The following PVT1 variants were observed in gnomAD, a reference collection of about 807,000 sequenced individuals.
The protein encoded by PVT1 is Pvt1 oncogene, also known as CXCR4/PVT1 fusion.
intron 3 of PVT1, among the ~76,000 whole-genome samples, chr8:127,953,821 T>C (rs1404538472): frequency 1.3e-5 from 2 of 152,164 alleles, no homozygotes; most frequent in African/African-American, 4.8e-5. Context: ...TTCCTCTTCT[T>C]TTCTTTTGTT....
chr8:127,960,377 A>G (rs1209455349), intron 3 of PVT1, among the ~76,000 whole-genome samples: 1 of 152,074 alleles, frequency 6.6e-6, no homozygotes, highest in Non-Finnish European at 1.5e-5. Flanking sequence ...AGGCCTGTAG[A>G]TAGGAGACAC....
At chr8:128,011,008 G>A (rs1249015405) in intron 4 of PVT1, among the ~76,000 whole-genome samples, 1 of 152,086 alleles carries the variant, frequency 6.6e-6, no homozygotes, top group Non-Finnish European at 1.5e-5. Flanking sequence ...GAAAGGGTGG[G>A]GCTATGTTTT....
intron 2 of PVT1, among the ~76,000 whole-genome samples, chr8:127,865,000 A>C (rs1815271714): frequency 6.6e-6 from 1 of 152,174 alleles, no homozygotes. Flanking sequence ...AACTAGTCTG[A>C]GTGCTTGGGA....
chr8:128,080,922 C>T (rs1385164961), intron 5 of PVT1, among the ~76,000 whole-genome samples: 1 of 151,996 alleles, frequency 6.6e-6, no homozygotes, highest in Non-Finnish European at 1.5e-5. Context: ...TCTTTTTTTG[C>T]AAATGAATGT....
At chr8:128,066,265 A>C (rs1445597188) in intron 4 of PVT1, among the ~76,000 whole-genome samples, 1 of 152,158 alleles carries the variant, frequency 6.6e-6, no homozygotes, top group South Asian at 2.1e-4. Flanking sequence ...AGCAGAATTG[A>C]CATGTCATTT....
At chr8:127,971,594 C>T (rs1483914948) in intron 3 of PVT1, among the ~76,000 whole-genome samples, 1 of 152,326 alleles carries the variant, frequency 6.6e-6, no homozygotes, top group African/African-American at 2.4e-5. Context: ...CAGGGCACTG[C>T]AGTGTAGCAT....
chr8:127,869,106 T>C (rs1162207939), intron 2 of PVT1, among the ~76,000 whole-genome samples: 2 of 151,878 alleles, frequency 1.3e-5, no homozygotes, highest in Non-Finnish European at 2.9e-5. Flanking sequence ...TGTTAGTAAA[T>C]CATGAAGTTG....
chr8:128,097,080 G>C (rs2542413), intron 6 of PVT1, among the ~76,000 whole-genome samples: 31,112 of 152,246 alleles, frequency 0.2, 3,544 homozygotes, highest in East Asian at 0.4. Flanking sequence ...TGTAGCCTTT[G>C]CTGGGTACAG....
chr8:127,862,645 C>G (rs1815240764), intron 2 of PVT1, among the ~76,000 whole-genome samples: 1 of 152,138 alleles, frequency 6.6e-6, no homozygotes, highest in African/African-American at 2.4e-5. Context: ...TGGTCTCAAA[C>G]TCCTGGCCTC....
intron 3 of PVT1, among the ~76,000 whole-genome samples, chr8:127,918,631 C>T (rs1228779806): frequency 6.6e-6 from 1 of 152,116 alleles, no homozygotes; most frequent in Non-Finnish European, 1.5e-5. Context: ...ACATAGTAGG[C>T]CCTCCATAAA....
intron 4 of PVT1, among the ~76,000 whole-genome samples, chr8:128,068,251 C>T (rs1244242413): frequency 6.6e-6 from 1 of 151,938 alleles, no homozygotes; most frequent in African/African-American, 2.4e-5. Flanking sequence ...TTCTCCTCTC[C>T]CTGGCTTTCT....
chr8:127,895,909 G>A (rs568973819), intron 3 of PVT1, among the ~76,000 whole-genome samples: 1 of 152,288 alleles, frequency 6.6e-6, no homozygotes, highest in South Asian at 2.1e-4. Flanking sequence ...GAGTGGGTGT[G>A]GCTGTGTGCC....
intron 4 of PVT1, among the ~76,000 whole-genome samples, chr8:128,066,127 T>C (rs991667341): frequency 1.3e-5 from 2 of 152,244 alleles, no homozygotes; most frequent in African/African-American, 4.8e-5. Context: ...GTTGAATGGA[T>C]GAATAGTAAA....
intron 2 of PVT1, among the ~76,000 whole-genome samples, chr8:127,827,319 C>G (rs1814801736): frequency 6.6e-6 from 1 of 151,644 alleles, no homozygotes; most frequent in African/African-American, 2.4e-5. Flanking sequence ...TTCTAACACT[C>G]ACATGGACTG....
chr8:128,091,624 CAAAG>C (rs1351110476), intron 5 of PVT1, among the ~76,000 whole-genome samples: 2 of 152,144 alleles, frequency 1.3e-5, no homozygotes, highest in Non-Finnish European at 2.9e-5. Flanking sequence ...GGTAAGGTGA[CAAAG>C]AAAACAGCTG....
chr8:127,998,662 TC>T lies in PVT1; in HGVS notation n.912+9373del, dbSNP rs776322124. Among the ~76,000 whole-genome samples, 245 of 147,958 alleles carry T rather than the reference TC, an allele frequency of 1.7e-3. 1 individual carries two copies. Among genetic ancestry groups the T allele is most frequent in the Non-Finnish European group, 2.9e-3 (190 of 66,114 alleles). ...CCTTCCTTCCTTTTTCTTCCTTTTT[TC>T]CTTCCTTCCTTCCCTCCCTTCCTCT... On this transcript the variant is annotated intron_variant and non_coding_transcript_variant, in intron 4 of 10. Transcript: ENST00000651587.
intron 2 of PVT1, among the ~76,000 whole-genome samples, chr8:127,888,612 G>A (rs1563630972): frequency 6.6e-6 from 1 of 152,232 alleles, no homozygotes; most frequent in Non-Finnish European, 1.5e-5. Flanking sequence ...CTTAGGAGTG[G>A]AAGAGGGAGG....
chr8:127,837,055 C>T (rs527434003), intron 2 of PVT1, among the ~76,000 whole-genome samples: 11 of 152,292 alleles, frequency 7.2e-5, no homozygotes, highest in Non-Finnish European at 1.5e-4. Context: ...AAGCCAGGCC[C>T]CCTGAGGGTC....
chr8:128,100,636 C>T (rs1313569854), intron 6 of PVT1, among the ~76,000 whole-genome samples: 2 of 152,212 alleles, frequency 1.3e-5, no homozygotes, highest in Non-Finnish European at 2.9e-5. Flanking sequence ...CTCATCCATC[C>T]TGTTGAAACC....
Sources: allele counts gnomAD v4.1 joint callset (sites outside exome capture counted in the v4.1 genomes callset), GRCh38; gene constraint gnomAD v4.1.1; transcripts MANE v1.5; gene names NCBI Gene and HGNC (gene_info 2026-07-23, HGNC 2026-07-21).